Variants in QSOX2 observed in about 807,000 individuals in gnomAD.
The protein encoded by QSOX2 is sulfhydryl oxidase 2.
QSOX2 carries 46 observed loss-of-function variants against 61.7 expected under a neutral mutation model. The observed-to-expected ratio is 0.75, with a 90% CI of 0.59 to 0.95. The LOEUF is 0.95. Among genes scored for constraint, QSOX2 ranks in the 40% least tolerant of loss-of-function variants. The pLI is 0.00. For synonymous variants in QSOX2, 383 were observed against 388.4 expected, an observed-to-expected ratio of 0.99 and a Z score of 0.16; for missense variants, 879 against 918.9, an observed-to-expected ratio of 0.96 and a Z score of 0.56.
rs1341478132 is a variant in QSOX2 at position 136,209,536 on chromosome 9, G to A, written c.1550-261C>T. 4.1e-6 allele frequency: 4 copies of A among 985,306 alleles called. No individual in the cohort carries two copies. Among genetic ancestry groups the A allele is most frequent in the Middle Eastern group, 5.2e-4 (1 of 1,914 alleles). The allele number at this position is 985,306 out of a possible 1,614,324, so 61.0% of individuals were successfully genotyped here. A position where few individuals can be genotyped will look rare whatever the true frequency, so the allele number is the denominator to read the frequency against. The stretch of plus-strand genomic sequence containing the variant: ...GCCTGCAAGTGAGGAGACGCTACAC[G>A]CTCGGCCTCCGCCACTTCCCAGACC... On this transcript the variant is annotated intron_variant, in intron 11 of 11. Coordinates refer to ENST00000358701, the MANE Select transcript of QSOX2 (RefSeq NM_181701.4). This position sits in a 1 kb window ranked among gnomAD's most constrained non-coding sequence, Gnocchi z 5.6.
chr9:136,211,226 C>T (rs372744544), intron 11 of QSOX2, 38 bp downstream of exon 11: 64 of 1,602,238 alleles, frequency 4.0e-5, no homozygotes, highest in African/African-American at 5.4e-5. Flanking sequence ...GGCCTCCCTC[C>T]GCCCGTGCTG....
rs946949404 is a variant in QSOX2, at chr9:136,222,301, C to T, written c.676-360G>A. On this transcript the variant is annotated intron_variant, in intron 5 of 11. Transcript: ENST00000358701. The surrounding 1 kb of genome is among the most constrained non-coding windows in gnomAD (Gnocchi z 6.9). Reference sequence around the variant, plus strand: ...ACCCCACGGCCTCGCACTCCCGTCCCGCGTGTGGAAGCTTCGTGGCCGGGG... The same window carrying T: ...ACCCCACGGCCTCGCACTCCCGTCCTGCGTGTGGAAGCTTCGTGGCCGGGG... 6.6e-6 allele frequency among the ~76,000 whole-genome samples: 1 copy of T among 152,220 alleles called. No homozygotes were observed. Among genetic ancestry groups the T allele is most frequent in the African/African-American group, 2.4e-5 (1 of 41,454 alleles).
At chr9:136,210,806 G>T (rs765483995) in intron 11 of QSOX2, 6 of 985,042 alleles carry the variant, frequency 6.1e-6, no homozygotes, top group Non-Finnish European at 7.2e-6. Flanking sequence ...ACTTAACTCT[G>T]AGAAAATACA....
At chr9:136,215,452 T>G in intron 9 of QSOX2, 148 bp from the exon 10 acceptor site, 2 of 757,740 alleles carry the variant, frequency 2.6e-6, no homozygotes, top group Non-Finnish European at 4.1e-6. Flanking sequence ...ATAAGATCTG[T>G]GCCTCCTACC....
In QSOX2 at chr9:136,209,904, TC is replaced by T. The variant is rs1831824923; in HGVS notation, c.1550-630del. 1 of 985,232 alleles carries T rather than the reference TC, an allele frequency of 1.0e-6. No homozygotes were observed. Among genetic ancestry groups the T allele is most frequent in the Non-Finnish European group, 1.2e-6 (1 of 829,918 alleles). 61.0% of individuals were successfully genotyped at this position (985,232 alleles called of 1,614,324 possible). A position where few individuals can be genotyped will look rare whatever the true frequency, so the allele number is the denominator to read the frequency against. ...TGCTCACTTCCAGGCCCAACAGGCA[TC>T]CGTCATGCAGAAGCTGCGGCGCACG... is the stretch of plus-strand genomic sequence containing the variant. On this transcript the variant is annotated intron_variant, in intron 11 of 11. Transcript: ENST00000358701. This position sits in a 1 kb window ranked among gnomAD's most constrained non-coding sequence, Gnocchi z 5.6.
intron 2 of QSOX2, among the ~76,000 whole-genome samples, chr9:136,225,450 G>A (rs1002210031): frequency 6.6e-6 from 1 of 152,180 alleles, no homozygotes; most frequent in East Asian, 1.9e-4. Context: ...AGAGGGAAAC[G>A]TGCAGATGAC....
intron 11 of QSOX2, chr9:136,210,439 GT>G (rs1422965938): frequency 2.0e-6 from 2 of 985,306 alleles, no homozygotes; most frequent in African/African-American, 3.5e-5. Context: ...CCTGGCGAGG[GT>G]CCTGGTCCCA....
In QSOX2 at chr9:136,234,683, C is replaced by T. The variant is rs555906669; in HGVS notation, c.329-7809G>A. 7.9e-5 allele frequency among the ~76,000 whole-genome samples: 12 copies of T among 152,204 alleles called. 1 individual carries two copies. The highest frequency in any genetic ancestry group is 1.7e-4 in the African/African-American group (7 of 41,546). On this transcript the variant is annotated intron_variant, in intron 1 of 11. Transcript: ENST00000358701. The stretch of plus-strand genomic sequence containing the variant: ...TGAACCTCGCATCAGCAGGTGGAGA[C>T]GGAAGCAGGGCCCTGGAGGAAGCCC...
chr9:136,226,711 T>G (rs1393538021), intron 2 of QSOX2, 63 bp downstream of exon 2: 2 of 1,333,372 alleles, frequency 1.5e-6, no homozygotes, highest in South Asian at 2.3e-5. Flanking sequence ...AGCCGCGTGA[T>G]GCTCACCTGG....
At chr9:136,211,166 C>G in intron 11 of QSOX2, 98 bp downstream of exon 11, 1 of 1,347,316 alleles carries the variant, frequency 7.4e-7, no homozygotes, top group Non-Finnish European at 1.0e-6. Flanking sequence ...CCGCAAAGCT[C>G]AGGGACAAGC....
rs766357655 is a variant in QSOX2, at chr9:136,216,655, G to C, written c.1154C>G (p.Pro385Arg). 22 of 1,613,732 alleles carry C rather than the reference G, an allele frequency of 1.4e-5. No individual in the cohort carries two copies. Among genetic ancestry groups the C allele is most frequent in the Admixed American group, 1.7e-5 (1 of 60,012 alleles). Residue 385 changes from proline (P) to arginine (R), a missense_variant, in exon 9 of 12, where the codon CCC becomes CGC. By Grantham distance (103) the Pro-to-Arg change is moderately radical. Coordinates refer to ENST00000358701, the MANE Select transcript of QSOX2 (RefSeq NM_181701.4). Reference protein sequence around the residue: ...EMLQEWLASLPLDRIPYNAVL... With the variant: ...EMLQEWLASLRLDRIPYNAVL... ...GGCGTTGTAGGGGATCCTGTCCAGG[G>C]GAAGGCTGGCCAGCCACTCCTGCAG...
At chr9:136,218,449 C>T (rs537242250) in intron 8 of QSOX2, among the ~76,000 whole-genome samples, 9 of 152,342 alleles carry the variant, frequency 5.9e-5, no homozygotes, top group African/African-American at 7.2e-5. Flanking sequence ...CTCACACCCC[C>T]GCCCCTCTCT....
intron 7 of QSOX2, 25 bp downstream of exon 7, chr9:136,219,005 G>A: frequency 3.7e-6 from 6 of 1,613,228 alleles, no homozygotes; most frequent in Non-Finnish European, 5.1e-6. Flanking sequence ...GTCTCCGGGG[G>A]CTTCAGTTCA....
chr9:136,214,525 C>A (rs533447465), intron 10 of QSOX2, among the ~76,000 whole-genome samples: 1 of 152,344 alleles, frequency 6.6e-6, no homozygotes, highest in Admixed American at 6.5e-5. Context: ...CTGCAGTCAA[C>A]AGCCAGCATG....
rs1439421695 is a variant in QSOX2 at position 136,212,014 on chromosome 9, C to T, written c.1361-562G>A. Among the ~76,000 whole-genome samples, 4 of 152,236 alleles carry T rather than the reference C, an allele frequency of 2.6e-5. No individual in the cohort carries two copies. In the East Asian group the frequency reaches 5.8e-4, roughly 22 times the overall value. On this transcript the variant is annotated intron_variant, in intron 10 of 11. Transcript: ENST00000358701. ...GTGACTCTTAAGCTGCCGCCAGCCA[C>T]GGGCGTGAGGATGTGGAGCAGGTGG...
intron 2 of QSOX2, among the ~76,000 whole-genome samples, chr9:136,226,397 T>C (rs1830281299): frequency 6.6e-6 from 1 of 152,178 alleles, no homozygotes; most frequent in African/African-American, 2.4e-5. Context: ...TGTGCATGTG[T>C]GAGAGCCCCA....
intron 1 of QSOX2, among the ~76,000 whole-genome samples, chr9:136,231,683 C>T (rs552898376): frequency 5.3e-5 from 8 of 152,226 alleles, no homozygotes; most frequent in Admixed American, 6.5e-5. Context: ...TTACCCAGCC[C>T]GCTACCATGG....
intron 10 of QSOX2, among the ~76,000 whole-genome samples, chr9:136,214,785 G>T (rs375996934): frequency 1.3e-5 from 2 of 152,208 alleles, no homozygotes; most frequent in African/African-American, 4.8e-5. Context: ...GGGGTGATTT[G>T]TTATACAACA....
intron 2 of QSOX2, among the ~76,000 whole-genome samples, chr9:136,226,057 A>G (rs889994460): frequency 3.3e-5 from 5 of 152,334 alleles, no homozygotes; most frequent in African/African-American, 1.2e-4. Context: ...TGAAAACAAC[A>G]GCCCCCAAAA....
Sources: gnomAD v4.1 joint callset for allele counts (sites outside exome capture counted in the v4.1 genomes callset) on GRCh38, gnomAD v4.1.1 for gene constraint, Gnocchi (gnomAD v3.1) non-coding constraint, MANE v1.5 for transcripts, NCBI Gene and HGNC (gene_info 2026-07-23, HGNC 2026-07-21) for gene names.